Variants in CFAP54 observed in about 807,000 individuals in gnomAD.
CFAP54 encodes the protein cilia- and flagella-associated protein 54.
Under a neutral mutation model 370.4 loss-of-function variants are expected in CFAP54, and 290 were observed. The ratio of observed to expected loss-of-function variants is 0.78; its 90% CI spans 0.71 to 0.86. The LOEUF (loss-of-function observed/expected upper bound fraction) is 0.86. Among genes scored for constraint, CFAP54 ranks in the 40% least tolerant of loss-of-function variants. The probability of loss-of-function intolerance (pLI) is 0.00; values close to 1 mark genes in which losing one functional copy is unlikely to be tolerated. For synonymous variants in CFAP54, 1,206 were observed against 1,236.5 expected, an observed-to-expected ratio of 0.98 and a Z score of 0.52; for missense variants, 3,399 against 3,528.7, an observed-to-expected ratio of 0.96 and a Z score of 0.93.
At chr12:96,734,345 C>A (rs569857292) in intron 50 of CFAP54, among the ~76,000 whole-genome samples, 1 of 152,284 alleles carries the variant, frequency 6.6e-6, no homozygotes, top group African/African-American at 2.4e-5. Context: ...TAAGCACACT[C>A]CATGCTTTCT....
Position 96,740,030 on chromosome 12 carries a change from A to G in CFAP54, c.7040A>G (p.Asp2347Gly). The G allele has an allele frequency of 1.2e-6, 2 of 1,604,546 alleles. No individual in the cohort carries two copies. The highest frequency in any genetic ancestry group is 1.1e-5 in the South Asian group (1 of 90,418). The change falls in exon 51 of 68, where the codon GAC (aspartate) becomes GGC (glycine). Residue 2347 changes from aspartate (D) to glycine (G), a missense_variant. By Grantham distance (94) the Asp-to-Gly change is moderately conservative (BLOSUM62 -1). This residue lies in a region of CFAP54 where 2,796 missense variants were observed against 2,869.7 expected (regional missense o/e 0.97). Coordinates refer to ENST00000524981, the MANE Select transcript of CFAP54 (RefSeq NM_001306084.2). ...KLFEKKVVQDDTENPVSPGTS... is the reference protein window; with the variant it reads ...KLFEKKVVQDGTENPVSPGTS... ...TTTGAAAAGAAGGTAGTACAGGATG[A>G]CACAGAGAATCCTGTCTCTCCAGGA... is the stretch of plus-strand genomic sequence containing the variant.
chr12:96,691,010 A>G, intron 43 of CFAP54, 118 bp from the exon 44 acceptor site: 2 of 783,048 alleles, frequency 2.6e-6, no homozygotes, highest in South Asian at 1.7e-5. Context: ...ATTACAAAGT[A>G]CAGTGTGCTA....
intron 9 of CFAP54, 48 bp from the exon 10 acceptor site, chr12:96,533,744 T>A (rs1464130480): frequency 2.3e-6 from 3 of 1,314,850 alleles, no homozygotes; most frequent in Non-Finnish European, 2.0e-6. Flanking sequence ...ATTTAATAAA[T>A]ATTTATTTGC....
At chr12:96,819,981 A>G (rs1455596804) in intron 65 of CFAP54, among the ~76,000 whole-genome samples, 1 of 152,116 alleles carries the variant, frequency 6.6e-6, no homozygotes, top group Non-Finnish European at 1.5e-5. Context: ...CTTGCCTACA[A>G]AACAAATTTT....
intron 31 of CFAP54, 54 bp from the exon 32 acceptor site, chr12:96,630,494 ATAC>A (rs1289440567): frequency 1.1e-6 from 1 of 897,664 alleles, no homozygotes; most frequent in Non-Finnish European, 1.6e-6. Context: ...TGAATAAATT[ATAC>A]TACTGTGTTC....
At chr12:96,762,834 A>G (rs1202614911) in intron 58 of CFAP54, among the ~76,000 whole-genome samples, 1 of 151,708 alleles carries the variant, frequency 6.6e-6, no homozygotes, top group Non-Finnish European at 1.5e-5. Context: ...CCATAGGTAG[A>G]TCTTTCCAGG....
chr12:96,737,233 A>C lies in CFAP54; in HGVS notation c.6966-2723A>C, dbSNP rs1054290184. Among the ~76,000 whole-genome samples the C allele has an allele frequency of 3.3e-5, 5 of 152,114 alleles. 1 individual carries two copies. Among genetic ancestry groups the C allele is most frequent in the African/African-American group, 1.2e-4 (5 of 41,432 alleles). On this transcript the variant is annotated intron_variant, in intron 50 of 67. Coordinates refer to ENST00000524981, the MANE Select transcript of CFAP54 (RefSeq NM_001306084.2). ...CTCAAAAAGCTTTAGATTTTGAAGA[A>C]TTTTGGATTTTTGGATATGGGATAC...
chr12:96,738,328 CTG>C (rs1958005025), intron 50 of CFAP54, among the ~76,000 whole-genome samples: 1 of 152,114 alleles, frequency 6.6e-6, no homozygotes, highest in Admixed American at 6.5e-5. Context: ...TTTCCTAAGA[CTG>C]TTGTAGCAAA....
intron 15 of CFAP54, among the ~76,000 whole-genome samples, chr12:96,549,344 A>G (rs762185906): frequency 4.6e-5 from 7 of 152,222 alleles, no homozygotes; most frequent in African/African-American, 7.2e-5. Flanking sequence ...TTAAGGTGGC[A>G]ATTTTCCCAC....
intron 19 of CFAP54, among the ~76,000 whole-genome samples, chr12:96,566,985 A>G (rs1000279966): frequency 9.9e-5 from 15 of 152,206 alleles, no homozygotes; most frequent in African/African-American, 3.6e-4. Flanking sequence ...TTTAATTGCA[A>G]GAGGGCTAGG....
At chr12:96,591,128 G>A (rs1210372886) in intron 23 of CFAP54, among the ~76,000 whole-genome samples, 1 of 152,182 alleles carries the variant, frequency 6.6e-6, no homozygotes, top group Non-Finnish European at 1.5e-5. Flanking sequence ...CCAAGAAAGT[G>A]CATTGCTAGG....
intron 67 of CFAP54, among the ~76,000 whole-genome samples, chr12:96,863,069 T>C (rs1959915975): frequency 6.6e-6 from 1 of 152,162 alleles, no homozygotes; most frequent in East Asian, 1.9e-4. Flanking sequence ...ATACTTTCTG[T>C]TTTTCTTTAC....
chr12:96,571,852 G>A (rs1955921134), intron 19 of CFAP54, among the ~76,000 whole-genome samples: 1 of 152,118 alleles, frequency 6.6e-6, no homozygotes, highest in African/African-American at 2.4e-5. Context: ...CTTAAATTAG[G>A]ATTCTAGTTT....
intron 32 of CFAP54, among the ~76,000 whole-genome samples, chr12:96,640,620 C>G (rs1956715889): frequency 6.6e-6 from 1 of 152,194 alleles, no homozygotes; most frequent in Non-Finnish European, 1.5e-5. Flanking sequence ...ATTGCCAAGT[C>G]AATCCTAAGC....
intron 26 of CFAP54, among the ~76,000 whole-genome samples, chr12:96,599,836 C>A (rs1162563856): frequency 6.6e-6 from 1 of 151,816 alleles, no homozygotes; most frequent in Non-Finnish European, 1.5e-5. Context: ...ATATCCTTTG[C>A]CCACTTTTTG....
In CFAP54 at chr12:96,829,051, T is replaced by C; in HGVS notation, c.9134T>C (p.Leu3045Pro). The stretch of plus-strand genomic sequence containing the variant: ...CAATGTTGCTCTGAAATAGCATCTC[T>C]GTTTTTGAATGATAAAGAGCCAACA... ...IIQCCSEIAS[L>P]FLNDKEPTPL... Residue 3045 changes from leucine (L) to proline (P), a missense_variant, in exon 66 of 68, where the codon CTG becomes CCG. Leu to Pro is a moderately conservative substitution (Grantham distance 98). Around this residue, in one of 3 missense-constraint regions of CFAP54, gnomAD observed 2,796 missense variants for 2,869.7 expected, o/e 0.97. Transcript: ENST00000524981. 6.6e-7 allele frequency: 1 copy of C among 1,522,026 alleles called. No homozygotes were observed. Among genetic ancestry groups the C allele is most frequent in the South Asian group, 1.2e-5 (1 of 83,028 alleles). The allele number at this position is 1,522,026 out of a possible 1,614,324, so 94.3% of individuals were successfully genotyped here.
chr12:96,525,518 A>C (rs1158031152), intron 8 of CFAP54, among the ~76,000 whole-genome samples: 1 of 152,012 alleles, frequency 6.6e-6, no homozygotes, highest in African/African-American at 2.4e-5. Flanking sequence ...AAATAATTTC[A>C]TTCTTTTATT....
chr12:96,491,811 G>GT (rs780804686), intron 1 of CFAP54, among the ~76,000 whole-genome samples: 1 of 152,170 alleles, frequency 6.6e-6, no homozygotes, highest in Non-Finnish European at 1.5e-5. Context: ...CCAGGCTGGA[G>GT]TGTACTGCTG....
At chr12:96,504,252 A>G (rs1464262361) in intron 3 of CFAP54, among the ~76,000 whole-genome samples, 1 of 152,218 alleles carries the variant, frequency 6.6e-6, no homozygotes, top group African/African-American at 2.4e-5. Context: ...TTCATGTAGC[A>G]GTTGTTATTT....
Sources: gnomAD v4.1 joint callset for allele counts (sites outside exome capture counted in the v4.1 genomes callset) on GRCh38, gnomAD v4.1.1 for gene constraint, gnomAD v4.1.1 regional missense constraint, MANE v1.5 for transcripts, NCBI Gene and HGNC (gene_info 2026-07-23, HGNC 2026-07-21) for gene names.